Variants in ADGRV1 observed in about 807,000 individuals in gnomAD.
The protein encoded by ADGRV1 is adhesion G protein-coupled receptor V1.
ADGRV1 carries 359 observed loss-of-function variants against 596.2 expected under a neutral mutation model. The observed-to-expected ratio is 0.60, with a 90% CI of 0.55 to 0.66. ADGRV1 has a LOEUF of 0.66. Ranked by LOEUF, ADGRV1 falls within the 30% of genes least tolerant of loss-of-function variation. The pLI, the probability that ADGRV1 is intolerant of heterozygous loss-of-function variation, is 0.00. For synonymous variants in ADGRV1, 2,681 were observed against 2,679.2 expected (o/e 1.00, Z -0.02); for missense variants, 7,274 against 7,575.6 (o/e 0.96, Z 1.48).
intron 52 of ADGRV1, among the ~76,000 whole-genome samples, chr5:90,747,029 G>A (rs1037457233): frequency 6.6e-6 from 1 of 152,140 alleles, no homozygotes; most frequent in African/African-American, 2.4e-5. Context: ...ATGAAGAAAT[G>A]TTAGGCAAGG....
rs1561540716 is a variant in ADGRV1 at position 90,693,870 on chromosome 5, A to G, written c.7134-20A>G. 6.6e-7 allele frequency: 1 copy of G among 1,509,006 alleles called. No individual in the cohort carries two copies. Among genetic ancestry groups the G allele is most frequent in the African/African-American group, 1.4e-5 (1 of 71,768 alleles). 93.5% of individuals were successfully genotyped at this position (1,509,006 alleles called of 1,614,324 possible). A position where few individuals can be genotyped will look rare whatever the true frequency, so the allele number is the denominator to read the frequency against. On this transcript the variant is annotated intron_variant, in intron 32 of 89. Coordinates refer to ENST00000405460, the MANE Select transcript of ADGRV1 (RefSeq NM_032119.4). ...CTTTGAGTGCTTAACCTGTCTTTTA[A>G]TTGTCACTCCACATTTTAGCGGAGG...
intron 1 of ADGRV1, among the ~76,000 whole-genome samples, chr5:90,611,283 A>T (rs1437790498): frequency 6.6e-6 from 1 of 151,892 alleles, no homozygotes; most frequent in Admixed American, 6.6e-5. Context: ...GGAGAGACTG[A>T]ATATGATTAC....
Position 91,163,790 on chromosome 5 carries a change from C to G in ADGRV1, c.18811C>G (p.Leu6271Val), listed in dbSNP as rs772955848. Residue 6271 changes from leucine to valine, a missense_variant, in exon 90 of 90, where the codon CTC (leucine) becomes GTC (valine). Transcript: ENST00000405460. ...TTCTATTTCTGTGGCAGGTGCTGGTCTCAGTGTCAGTGATAATGAATCTGG... is the reference window on the plus strand; with the variant it reads ...TTCTATTTCTGTGGCAGGTGCTGGTGTCAGTGTCAGTGATAATGAATCTGG... ...LIFALKTGAGLSVSDNESGQG... is the reference protein window; with the variant it reads ...LIFALKTGAGVSVSDNESGQG... 1 of 1,507,226 alleles carries G rather than the reference C, an allele frequency of 6.6e-7. No homozygotes were observed. The highest frequency in any genetic ancestry group is 2.3e-5 in the East Asian group (1 of 43,310). 93.4% of individuals were successfully genotyped at this position (1,507,226 alleles called of 1,614,324 possible).
At chr5:90,805,093 T>C (rs957570803) in intron 71 of ADGRV1, 191 bp from the exon 72 acceptor site, 1 of 404,802 alleles carries the variant, frequency 2.5e-6, no homozygotes, top group African/African-American at 2.0e-5. Flanking sequence ...AGCTATCAAC[T>C]ATAACCTAAA....
At chr5:90,565,834 G>C (rs1198569636) in intron 1 of ADGRV1, among the ~76,000 whole-genome samples, 1 of 152,034 alleles carries the variant, frequency 6.6e-6, no homozygotes, top group Non-Finnish European at 1.5e-5. Flanking sequence ...ATTTCTCTCT[G>C]TCTTTTTATG....
intron 17 of ADGRV1, among the ~76,000 whole-genome samples, chr5:90,649,876 G>C (rs942315056): frequency 1.3e-5 from 2 of 152,162 alleles, no homozygotes; most frequent in South Asian, 2.1e-4. Context: ...TTTTGAGAGA[G>C]AGAGAGAGAG....
At chr5:90,958,283 CAAAA>C (rs34676985) in intron 83 of ADGRV1, among the ~76,000 whole-genome samples, 445 of 72,808 alleles carry the variant, frequency 6.1e-3, no homozygotes, top group African/African-American at 0.021. Flanking sequence ...GACCTTGTCT[CAAAA>C]AAAAAAAAAA....
At chr5:90,784,224 G>A (rs946213548) in intron 67 of ADGRV1, among the ~76,000 whole-genome samples, 167 bp downstream of exon 67, 10 of 152,122 alleles carry the variant, frequency 6.6e-5, no homozygotes, top group African/African-American at 2.4e-4. Context: ...ACATAAAAAT[G>A]TATAAGGCAT....
intron 85 of ADGRV1, 84 bp from the exon 86 acceptor site, chr5:91,072,363 A>G (rs1032498336): frequency 8.2e-7 from 1 of 1,215,432 alleles, no homozygotes; most frequent in Non-Finnish European, 1.2e-6. Flanking sequence ...AAGAGCTAGT[A>G]TAAAGTAGTG....
intron 50 of ADGRV1, among the ~76,000 whole-genome samples, chr5:90,741,253 A>C (rs1369316048): frequency 6.6e-6 from 1 of 152,140 alleles, no homozygotes; most frequent in Non-Finnish European, 1.5e-5. Context: ...TTACTTTGCC[A>C]TCAGAGTCCT....
chr5:90,937,565 C>G (rs1775813808), intron 83 of ADGRV1, among the ~76,000 whole-genome samples: 1 of 151,056 alleles, frequency 6.6e-6, no homozygotes, highest in African/African-American at 2.4e-5. Flanking sequence ...TCACGCCGTT[C>G]TCCTGCCTCA....
chr5:90,644,463 T>G (rs1767442094), intron 14 of ADGRV1, among the ~76,000 whole-genome samples: 1 of 152,210 alleles, frequency 6.6e-6, no homozygotes, highest in Non-Finnish European at 1.5e-5. Context: ...CCATGCCAAC[T>G]GACTTCTAAA....
At chr5:90,679,134 A>G (rs1423384738) in intron 25 of ADGRV1, among the ~76,000 whole-genome samples, 1 of 152,180 alleles carries the variant, frequency 6.6e-6, no homozygotes, top group Non-Finnish European at 1.5e-5. Flanking sequence ...GCATTTCTCA[A>G]TATTGAACTG....
intron 70 of ADGRV1, among the ~76,000 whole-genome samples, chr5:90,794,657 A>G (rs1199398598): frequency 5.9e-5 from 9 of 152,154 alleles, no homozygotes; most frequent in Middle Eastern, 3.2e-3. Context: ...TTTGTGCCCA[A>G]TGCCATCAAG....
At chr5:90,961,508 G>GGC (rs1397784676) in intron 83 of ADGRV1, among the ~76,000 whole-genome samples, 1 of 39,778 alleles carries the variant, frequency 2.5e-5, no homozygotes, top group Admixed American at 1.6e-4. Context: ...AAAAAAAAAA[G>GGC]GGGGGGTGGC....
rs1759128741 is a variant in ADGRV1, at chr5:90,783,851, C to T, written c.13447C>T (p.Pro4483Ser). Residue 4483 changes from proline (P) to serine (S), a missense_variant, in exon 67 of 90, where the codon CCC becomes TCC. Coordinates refer to ENST00000405460, the MANE Select transcript of ADGRV1 (RefSeq NM_032119.4). ...CTTGCCATGCAGTGAATTTGAGGAG[C>T]CCATTGAAATTCTACTCACTGGAGC... is the stretch of plus-strand genomic sequence containing the variant. ...IDDNESEFEEPIEILLTGATG... is the reference protein window; with the variant it reads ...IDDNESEFEESIEILLTGATG... 1.9e-6 allele frequency: 3 copies of T among 1,605,280 alleles called. No individual in the cohort carries two copies. The highest frequency in any genetic ancestry group is 1.3e-5 in the African/African-American group (1 of 74,780).
At chr5:90,632,201 A>G (rs1372904077) in intron 9 of ADGRV1, among the ~76,000 whole-genome samples, 1 of 151,972 alleles carries the variant, frequency 6.6e-6, no homozygotes, top group East Asian at 1.9e-4. Flanking sequence ...TGCATAATCT[A>G]CAACTCATGC....
intron 85 of ADGRV1, among the ~76,000 whole-genome samples, chr5:91,050,980 C>T (rs924329526): frequency 1.3e-5 from 2 of 152,208 alleles, no homozygotes; most frequent in Non-Finnish European, 2.9e-5. Context: ...CCTGGAGCCT[C>T]GAACATTTTC....
chr5:90,687,012 T>C (rs1435225149), intron 29 of ADGRV1, among the ~76,000 whole-genome samples: 5 of 152,190 alleles, frequency 3.3e-5, no homozygotes, highest in Admixed American at 1.3e-4. Flanking sequence ...ATAAATGTCT[T>C]CTTTTGAGAA....
Sources: gnomAD v4.1 joint callset for allele counts (sites outside exome capture counted in the v4.1 genomes callset) on GRCh38, gnomAD v4.1.1 for gene constraint, MANE v1.5 for transcripts, NCBI Gene and HGNC (gene_info 2026-07-23, HGNC 2026-07-21) for gene names.